The following NRXN3 variants were observed in gnomAD, a reference collection of about 807,000 sequenced individuals.
The protein encoded by NRXN3 is neurexin 3, also known as neurexin III.
In NRXN3, 32 loss-of-function variants were observed where a neutral mutation model predicts 137.6. The ratio of observed to expected loss-of-function variants is 0.23; its 90% CI spans 0.18 to 0.31. The LOEUF (loss-of-function observed/expected upper bound fraction) is 0.31. Ranked by LOEUF, NRXN3 falls within the 10% of genes least tolerant of loss-of-function variation. NRXN3 has a pLI of 1.00. For missense variants in NRXN3, 1,574 were observed against 2,062.5 expected (o/e 0.76, Z 4.59); for synonymous variants, 798 against 784.5 (o/e 1.02, Z -0.29).
chr14:78,613,060 C>T (rs977912431), intron 4 of NRXN3, among the ~76,000 whole-genome samples: 1 of 152,176 alleles, frequency 6.6e-6, no homozygotes, highest in African/African-American at 2.4e-5. Context: ...CAGTTCAAAT[C>T]CTTGCTGTGT....
At chr14:79,703,418 C>G (rs1450458990) in intron 19 of NRXN3, among the ~76,000 whole-genome samples, 1 of 152,066 alleles carries the variant, frequency 6.6e-6, no homozygotes, top group Non-Finnish European at 1.5e-5. Context: ...AGAGCGTGGG[C>G]TTTTGCGTCA....
At chr14:79,333,715 G>C (rs1373387203) in intron 15 of NRXN3, among the ~76,000 whole-genome samples, 2 of 151,084 alleles carry the variant, frequency 1.3e-5, no homozygotes, top group East Asian at 3.9e-4. Flanking sequence ...CAGTGTAGAT[G>C]CTGAAATTGC....
chr14:79,821,286 C>T (rs2099271539), intron 20 of NRXN3, among the ~76,000 whole-genome samples: 1 of 152,140 alleles, frequency 6.6e-6, no homozygotes, highest in South Asian at 2.1e-4. Flanking sequence ...TTTACACTTA[C>T]TCATTACTAG....
intron 15 of NRXN3, among the ~76,000 whole-genome samples, chr14:79,337,142 T>C (rs1370357250): frequency 6.6e-6 from 1 of 152,214 alleles, no homozygotes; most frequent in African/African-American, 2.4e-5. Flanking sequence ...AGAAACATTA[T>C]TTTAAGAACA....
intron 15 of NRXN3, among the ~76,000 whole-genome samples, chr14:79,181,588 C>T (rs964577276): frequency 6.7e-6 from 1 of 148,454 alleles, no homozygotes; most frequent in East Asian, 2.0e-4. Context: ...GGCTGAAACA[C>T]GAGAATCGCT....
intron 19 of NRXN3, among the ~76,000 whole-genome samples, chr14:79,747,439 T>C (rs964055045): frequency 6.6e-6 from 1 of 152,014 alleles, no homozygotes; most frequent in Middle Eastern, 3.2e-3. Context: ...TCCAGGAAAA[T>C]AGTGCAGTGG....
At chr14:78,880,513 A>C (rs1338516009) in intron 10 of NRXN3, among the ~76,000 whole-genome samples, 1 of 152,038 alleles carries the variant, frequency 6.6e-6, no homozygotes, top group Non-Finnish European at 1.5e-5. Flanking sequence ...AGACCAAAGA[A>C]ACTGATATCC....
chr14:79,275,822 T>C (rs912051447), intron 15 of NRXN3, among the ~76,000 whole-genome samples: 1 of 152,118 alleles, frequency 6.6e-6, no homozygotes, highest in Admixed American at 6.5e-5. Flanking sequence ...AAAATTGTAT[T>C]CCATTTAGAA....
chr14:78,986,636 T>C (rs1486639914), intron 14 of NRXN3, among the ~76,000 whole-genome samples: 2 of 152,140 alleles, frequency 1.3e-5, no homozygotes, highest in Non-Finnish European at 2.9e-5. Context: ...TAATTTAGAA[T>C]TAATTAAAAG....
chr14:79,091,166 A>T (rs1292460281), intron 15 of NRXN3, among the ~76,000 whole-genome samples: 1 of 149,810 alleles, frequency 6.7e-6, no homozygotes, highest in Non-Finnish European at 1.5e-5. Flanking sequence ...GATCAATTTC[A>T]TTTTTTTTTG....
At position 79,525,135 on chromosome 14, in the gene NRXN3, T is replaced by C. The variant is rs150671543; in HGVS notation, c.3444+57733T>C. Among the ~76,000 whole-genome samples the C allele has an allele frequency of 1.6e-3, 248 of 152,264 alleles. 2 individuals carry two copies. Among genetic ancestry groups the C allele is most frequent in the African/African-American group, 3.7e-3 (155 of 41,548 alleles). ...TTTGAGGAAGAGGGATCCTAGTTTC[T>C]ATGGCTAGCATTGGGGAAGAATGGG... is the stretch of plus-strand genomic sequence containing the variant. On this transcript the variant is annotated intron_variant, in intron 16 of 20. Coordinates refer to ENST00000335750, the MANE Select transcript of NRXN3 (RefSeq NM_001330195.2).
chr14:78,297,780 T>TTTC lies in NRXN3; in HGVS notation c.728-51_728-50insTTC. The stretch of plus-strand genomic sequence containing the variant: ...TTTAACTTTGTCTTCTTTCTTTTTT[T>TTTC]CCTTACCCTTCCCCACTCCTCTTCC... On this transcript the variant is annotated intron_variant, in intron 3 of 20. Transcript: ENST00000335750. The TTTC allele has an allele frequency of 3.8e-6, 5 of 1,316,088 alleles. No homozygotes were observed. The South Asian group carries it at 6.3e-5, about 17-fold the overall frequency. The allele number at this position is 1,316,088 out of a possible 1,614,324, so 81.5% of individuals were successfully genotyped here.
Position 79,803,911 on chromosome 14 carries a change from A to G in NRXN3, c.4015-1201A>G, listed in dbSNP as rs866129338. ...AAAAAGTGTGTGTGTATATATATAT[A>G]TGTATATATATATATGTGTGTGTAT... On this transcript the variant is annotated intron_variant, in intron 19 of 20. Coordinates refer to ENST00000335750, the MANE Select transcript of NRXN3 (RefSeq NM_001330195.2). 3.1e-3 allele frequency among the ~76,000 whole-genome samples: 423 copies of G among 136,962 alleles called. 3 individuals carry two copies. Among genetic ancestry groups the G allele is most frequent in the African/African-American group, 0.011 (397 of 35,550 alleles). 89.9% of individuals were successfully genotyped at this position (136,962 alleles called of 152,430 possible).
chr14:78,676,956 C>T (rs1229945989), intron 6 of NRXN3, among the ~76,000 whole-genome samples: 2 of 151,990 alleles, frequency 1.3e-5, no homozygotes, highest in African/African-American at 4.8e-5. Flanking sequence ...ATATTTCAAG[C>T]CAATTTTTGA....
chr14:79,188,958 C>T (rs1238344117), intron 15 of NRXN3, among the ~76,000 whole-genome samples: 1 of 152,094 alleles, frequency 6.6e-6, no homozygotes, highest in Admixed American at 6.6e-5. Flanking sequence ...ACTAGTTCAA[C>T]CCTTGTGGAA....
At chr14:79,744,931 A>G (rs2098974727) in intron 19 of NRXN3, among the ~76,000 whole-genome samples, 1 of 152,052 alleles carries the variant, frequency 6.6e-6, no homozygotes, top group South Asian at 2.1e-4. Context: ...TCAGGAGCCA[A>G]CAGAAAAGCT....
At chr14:78,443,497 T>A (rs1310641290) in intron 4 of NRXN3, among the ~76,000 whole-genome samples, 6 of 152,130 alleles carry the variant, frequency 3.9e-5, no homozygotes, top group African/African-American at 1.4e-4. Flanking sequence ...AATCAATATA[T>A]CTAGTATAGT....
At chr14:78,304,059 C>T (rs190837695) in intron 4 of NRXN3, among the ~76,000 whole-genome samples, 6 of 152,280 alleles carry the variant, frequency 3.9e-5, no homozygotes, top group Non-Finnish European at 7.4e-5. Context: ...AGATTTTCAA[C>T]ACTGATGTTA....
chr14:78,926,770 AT>A (rs2099297146), intron 10 of NRXN3, among the ~76,000 whole-genome samples: 1 of 44,890 alleles, frequency 2.2e-5, no homozygotes, highest in African/African-American at 1.4e-4. Context: ...TATTATATAT[AT>A]TATATATATA....
Sources: allele counts gnomAD v4.1 joint callset (sites outside exome capture counted in the v4.1 genomes callset), GRCh38; gene constraint gnomAD v4.1.1; transcripts MANE v1.5; gene names NCBI Gene and HGNC (gene_info 2026-07-23, HGNC 2026-07-21).